Variants in PITPNC1 observed in about 807,000 individuals in gnomAD.
PITPNC1 encodes the protein phosphatidylinositol transfer protein cytoplasmic 1, also known as cytoplasmic phosphatidylinositol transfer protein 1.
PITPNC1 carries 18 observed loss-of-function variants against 44.7 expected under a neutral mutation model. The ratio of observed to expected loss-of-function variants is 0.40; its 90% CI spans 0.28 to 0.60. The LOEUF (loss-of-function observed/expected upper bound fraction) is 0.60, where lower values mean the gene tolerates loss of function less well. PITPNC1 is among the 20% of genes least tolerant of loss of function. The pLI is 0.39. For synonymous variants in PITPNC1, 141 were observed against 149.6 expected (o/e 0.94, Z 0.42); for missense variants, 290 against 418.4 (o/e 0.69, Z 2.68).
At chr17:67,534,144 T>C (rs8069128) in intron 2 of PITPNC1, among the ~76,000 whole-genome samples, 137,213 of 151,960 alleles carry the variant, frequency 0.9, 61,941 homozygotes, top group Middle Eastern at 0.96. Context: ...ATCTGCCTGC[T>C]TCAGCCTCTC....
chr17:67,412,690 C>T (rs2038521143), intron 1 of PITPNC1, among the ~76,000 whole-genome samples: 2 of 152,118 alleles, frequency 1.3e-5, no homozygotes, highest in South Asian at 4.1e-4. Context: ...CCTCAGCCTC[C>T]CGAGAAGCTG....
chr17:67,437,712 A>G (rs192168928), intron 1 of PITPNC1, among the ~76,000 whole-genome samples: 4 of 152,232 alleles, frequency 2.6e-5, no homozygotes, highest in East Asian at 1.9e-4. Flanking sequence ...CTTACCAGGA[A>G]CTCAAAGGAG....
intron 1 of PITPNC1, among the ~76,000 whole-genome samples, chr17:67,490,145 TG>T (rs2039842674): frequency 2.0e-5 from 3 of 150,688 alleles, no homozygotes; most frequent in Non-Finnish European, 4.4e-5. Flanking sequence ...TGTGTGTGTG[TG>T]TGTGTGTGTG....
intron 1 of PITPNC1, among the ~76,000 whole-genome samples, chr17:67,409,330 C>T (rs549493875): frequency 1.1e-4 from 16 of 151,394 alleles, no homozygotes; most frequent in South Asian, 6.3e-4. Context: ...ATGATCCACC[C>T]GCCTCGGCCT....
chr17:67,671,967 A>T (rs1198523925), intron 7 of PITPNC1, among the ~76,000 whole-genome samples: 5 of 151,848 alleles, frequency 3.3e-5, no homozygotes, highest in Non-Finnish European at 1.5e-5. Flanking sequence ...TGGAGTCTCA[A>T]TCTGTTGCCC....
chr17:67,609,486 C>T (rs2041659703), intron 5 of PITPNC1, among the ~76,000 whole-genome samples: 1 of 150,100 alleles, frequency 6.7e-6, no homozygotes. Context: ...GACGGGATTT[C>T]ACCATGTTGG....
intron 1 of PITPNC1, among the ~76,000 whole-genome samples, chr17:67,434,510 T>C (rs190021961): frequency 2.8e-3 from 420 of 152,240 alleles, no homozygotes; most frequent in African/African-American, 9.8e-3. Context: ...CAGGCTGTGC[T>C]TTAGAAGCCC....
At chr17:67,422,769 C>T (rs182051299) in intron 1 of PITPNC1, among the ~76,000 whole-genome samples, 1 of 152,096 alleles carries the variant, frequency 6.6e-6, no homozygotes, top group East Asian at 1.9e-4. Flanking sequence ...GAACTCCTGA[C>T]CTCACGTGAT....
intron 1 of PITPNC1, among the ~76,000 whole-genome samples, chr17:67,380,378 C>T (rs1369756481): frequency 1.3e-5 from 2 of 152,094 alleles, no homozygotes; most frequent in Non-Finnish European, 2.9e-5. Context: ...CCCAGCCAGC[C>T]CTTCCTTTCT....
At chr17:67,458,318 A>G (rs2039284894) in intron 1 of PITPNC1, among the ~76,000 whole-genome samples, 1 of 152,162 alleles carries the variant, frequency 6.6e-6, no homozygotes, top group African/African-American at 2.4e-5. Flanking sequence ...TATTAGATGC[A>G]TATGGACCTT....
intron 1 of PITPNC1, among the ~76,000 whole-genome samples, chr17:67,463,319 C>T (rs2039371794): frequency 6.6e-6 from 1 of 151,956 alleles, no homozygotes; most frequent in Non-Finnish European, 1.5e-5. Flanking sequence ...TTTTTTTAAA[C>T]TTATGTGCAT....
rs200277291 is a variant in PITPNC1, at chr17:67,648,860, C to CA, written c.462+16630dup. Among the ~76,000 whole-genome samples, 603 of 151,884 alleles carry CA rather than the reference C, an allele frequency of 4.0e-3. 2 individuals carry two copies. Among genetic ancestry groups the CA allele is most frequent in the African/African-American group, 0.013 (537 of 41,440 alleles). ...TCAACTACAGTAGCTGGGGCATCTG[C>CA]AAAAAAAAGCTGGCTATAGGCCCAG... On this transcript the variant is annotated intron_variant, in intron 6 of 8. Coordinates refer to ENST00000581322, the MANE Select transcript of PITPNC1 (RefSeq NM_012417.4).
chr17:67,542,955 TCGA>T (rs1300702517), intron 2 of PITPNC1, among the ~76,000 whole-genome samples: 1 of 152,206 alleles, frequency 6.6e-6, no homozygotes, highest in Non-Finnish European at 1.5e-5. Context: ...CATCCATCTA[TCGA>T]CCACTGGTGT....
At chr17:67,431,669 T>C (rs1326214435) in intron 1 of PITPNC1, among the ~76,000 whole-genome samples, 2 of 152,164 alleles carry the variant, frequency 1.3e-5, no homozygotes, top group Non-Finnish European at 2.9e-5. Context: ...AAGAGACTGG[T>C]TTCTGTGGCC....
chr17:67,599,698 A>G (rs2041516008), intron 5 of PITPNC1, among the ~76,000 whole-genome samples: 1 of 152,170 alleles, frequency 6.6e-6, no homozygotes, highest in Non-Finnish European at 1.5e-5. Flanking sequence ...AACGAGAGAC[A>G]TGGTGGAGTT....
chr17:67,619,539 C>T (rs1055808009), intron 5 of PITPNC1, among the ~76,000 whole-genome samples: 7 of 152,170 alleles, frequency 4.6e-5, no homozygotes, highest in Admixed American at 2.0e-4. Flanking sequence ...CAACATCCCT[C>T]TCTGGAGCCC....
Position 67,435,716 on chromosome 17 carries a change from G to C in PITPNC1, c.48+57514G>C, listed in dbSNP as rs747600124. ...AAAATACCAAAATTAGGCAGGTGTG[G>C]TGGTGCACATCTGTAATCCCAGCTA... On this transcript the variant is annotated intron_variant, in intron 1 of 8. Coordinates refer to ENST00000581322, the MANE Select transcript of PITPNC1 (RefSeq NM_012417.4). 4.9e-4 allele frequency among the ~76,000 whole-genome samples: 74 copies of C among 152,130 alleles called. 1 individual carries two copies. Among genetic ancestry groups the C allele is most frequent in the Non-Finnish European group, 9.8e-4 (67 of 68,034 alleles).
chr17:67,561,607 ACTTT>A (rs1388145471), intron 4 of PITPNC1, among the ~76,000 whole-genome samples: 1 of 152,228 alleles, frequency 6.6e-6, no homozygotes, highest in African/African-American at 2.4e-5. Context: ...CATCGATTCT[ACTTT>A]CTTAAGTGAG....
At chr17:67,391,053 T>C (rs1161344588) in intron 1 of PITPNC1, among the ~76,000 whole-genome samples, 4 of 121,300 alleles carry the variant, frequency 3.3e-5, no homozygotes, top group Non-Finnish European at 6.7e-5. Flanking sequence ...TCTAATGACT[T>C]TTTTAGCGTG....
Sources: gnomAD v4.1 joint callset for allele counts (sites outside exome capture counted in the v4.1 genomes callset) on GRCh38, gnomAD v4.1.1 for gene constraint, MANE v1.5 for transcripts, NCBI Gene and HGNC (gene_info 2026-07-23, HGNC 2026-07-21) for gene names.